Variants in KAZN observed in about 807,000 individuals in gnomAD.
KAZN encodes kazrin, periplakin interacting protein.
Under a neutral mutation model 87.4 loss-of-function variants are expected in KAZN, and 40 were observed. That is an observed-to-expected ratio of 0.46 (90% CI 0.36 to 0.60). KAZN has a LOEUF of 0.60. Among genes scored for constraint, KAZN ranks in the 20% least tolerant of loss-of-function variants. KAZN has a pLI of 0.00. For missense variants in KAZN, 898 were observed against 1,073.9 expected (o/e 0.84, Z 2.29); for synonymous variants, 466 against 458.3 (o/e 1.02, Z -0.22).
chr1:14,384,667 C>A (rs371025675), intron 2 of KAZN, among the ~76,000 whole-genome samples: 3 of 151,942 alleles, frequency 2.0e-5, no homozygotes, highest in South Asian at 2.1e-4. Context: ...GGATGAAGCC[C>A]ACTTGATCAT....
At chr1:14,451,898 C>A (rs772996703) in intron 2 of KAZN, among the ~76,000 whole-genome samples, 6 of 152,108 alleles carry the variant, frequency 3.9e-5, no homozygotes, top group Non-Finnish European at 8.8e-5. Context: ...AGGCACTTGG[C>A]AGATTGGACG....
At chr1:14,405,281 C>T (rs1407459676) in intron 2 of KAZN, among the ~76,000 whole-genome samples, 5 of 152,078 alleles carry the variant, frequency 3.3e-5, no homozygotes, top group African/African-American at 1.2e-4. Flanking sequence ...TGTTTGAGTT[C>T]AAATGTGATA....
chr1:14,703,503 T>C (rs1475593041), intron 1 of KAZN, among the ~76,000 whole-genome samples: 1 of 152,376 alleles, frequency 6.6e-6, no homozygotes. Context: ...CCTTCTGCCA[T>C]GATTGTCAGT....
chr1:14,961,068 C>T (rs1238084239), intron 2 of KAZN, among the ~76,000 whole-genome samples, 193 bp downstream of exon 2: 3 of 152,212 alleles, frequency 2.0e-5, no homozygotes, highest in African/African-American at 7.2e-5. Flanking sequence ...CCATTCCTTC[C>T]TCCAGTGTGA....
chr1:14,341,262 T>A (rs896758931), intron 2 of KAZN, among the ~76,000 whole-genome samples: 5 of 152,200 alleles, frequency 3.3e-5, no homozygotes, highest in Admixed American at 3.3e-4. Flanking sequence ...GGCACTCATC[T>A]GTAAAATGGG....
chr1:14,484,068 A>AAT (rs1401855725), intron 2 of KAZN, among the ~76,000 whole-genome samples: 5 of 152,118 alleles, frequency 3.3e-5, no homozygotes, highest in African/African-American at 1.2e-4. Flanking sequence ...AAATTGATTG[A>AAT]CCATAGATGC....
chr1:14,023,066 A>G (rs1570550839), intron 1 of KAZN, among the ~76,000 whole-genome samples: 1 of 152,114 alleles, frequency 6.6e-6, no homozygotes, highest in Admixed American at 6.6e-5. Context: ...TGTAATCCCA[A>G]CACTTTGGGA....
chr1:14,948,686 A>G (rs1450260970), intron 1 of KAZN, among the ~76,000 whole-genome samples: 1 of 152,260 alleles, frequency 6.6e-6, no homozygotes, highest in African/African-American at 2.4e-5. Flanking sequence ...TTGGAAAGAA[A>G]AGGCTGGATG....
chr1:13,955,762 AAAGAC>A (rs1641520567), intron 1 of KAZN, among the ~76,000 whole-genome samples: 1 of 152,176 alleles, frequency 6.6e-6, no homozygotes. Context: ...TTTTCTCTTA[AAAGAC>A]AGTACATTCC....
At chr1:14,183,640 G>A (rs909084143) in intron 2 of KAZN, among the ~76,000 whole-genome samples, 3 of 152,242 alleles carry the variant, frequency 2.0e-5, no homozygotes, top group Admixed American at 1.3e-4. Flanking sequence ...CTCATACTGT[G>A]TGACTCCGCA....
intron 2 of KAZN, among the ~76,000 whole-genome samples, chr1:15,024,142 C>T (rs1670954459): frequency 6.6e-6 from 1 of 152,124 alleles, no homozygotes; most frequent in African/African-American, 2.4e-5. Flanking sequence ...TGTGGTTGGA[C>T]TGAAGCCACC....
At chr1:15,102,545 C>T (rs1238972987) in intron 11 of KAZN, among the ~76,000 whole-genome samples, 1 of 152,086 alleles carries the variant, frequency 6.6e-6, no homozygotes, top group Non-Finnish European at 1.5e-5. Context: ...GGGCTGAGTC[C>T]AGGTAGCTGA....
chr1:15,059,086 C>G (rs946553898), intron 5 of KAZN, among the ~76,000 whole-genome samples: 16 of 148,904 alleles, frequency 1.1e-4, no homozygotes, highest in Non-Finnish European at 2.2e-4. Context: ...GGAGAGAAAT[C>G]AACAGAAAAC....
rs78439644 is a variant in KAZN, at chr1:14,823,273, C to G, written c.227-137411C>G. ...AACTGGGCATGAACCGAGACGTCCC[C>G]GTGAAGTCATGCAGGACAAACACGC... is the stretch of plus-strand genomic sequence containing the variant. On this transcript the variant is annotated intron_variant, in intron 1 of 14. Transcript: ENST00000376030. 6.3e-3 allele frequency among the ~76,000 whole-genome samples: 957 copies of G among 152,184 alleles called. 10 individuals carry two copies. The highest frequency in any genetic ancestry group is 0.021 in the African/African-American group (865 of 41,526).
intron 1 of KAZN, among the ~76,000 whole-genome samples, chr1:14,143,862 C>G (rs912114503): frequency 2.0e-5 from 3 of 152,060 alleles, no homozygotes; most frequent in African/African-American, 7.2e-5. Context: ...GGAGCACAAG[C>G]CTGTGCCACC....
At chr1:14,833,031 A>C (rs1170899668) in intron 1 of KAZN, among the ~76,000 whole-genome samples, 1 of 152,198 alleles carries the variant, frequency 6.6e-6, no homozygotes, top group Admixed American at 6.5e-5. Context: ...AAAATTGATA[A>C]TGAATAATTT....
Position 15,094,999 on chromosome 1 carries a change from A to G in KAZN, c.1547+66A>G. ...GTCATCCTGAGGCCTTTGGTCACAC[A>G]GGTGGGGTGAGCGGGGCACTGTGGG... On this transcript the variant is annotated intron_variant, in intron 10 of 14. Coordinates refer to ENST00000376030, the MANE Select transcript of KAZN (RefSeq NM_201628.3). This position sits in a 1 kb window ranked among gnomAD's most constrained non-coding sequence, Gnocchi z 4.5. 4 of 1,131,898 alleles carry G rather than the reference A, an allele frequency of 3.5e-6. No homozygotes were observed. Among genetic ancestry groups the G allele is most frequent in the Non-Finnish European group, 3.9e-6 (3 of 775,136 alleles). 70.1% of individuals were successfully genotyped at this position (1,131,898 alleles called of 1,614,324 possible).
intron 2 of KAZN, among the ~76,000 whole-genome samples, chr1:14,466,660 TA>T (rs566876952): frequency 0.13 from 16,443 of 130,242 alleles, 2,855 homozygotes; most frequent in African/African-American, 0.39. Flanking sequence ...AAACTAAATT[TA>T]AAAAAAAAAA....
intron 1 of KAZN, among the ~76,000 whole-genome samples, chr1:14,600,517 G>A (rs567632998): frequency 2.9e-4 from 44 of 152,042 alleles, no homozygotes; most frequent in Non-Finnish European, 4.9e-4. Flanking sequence ...TTAGGAATTG[G>A]GGGGAGTACT....
Sources: gnomAD v4.1 joint callset for allele counts (sites outside exome capture counted in the v4.1 genomes callset) on GRCh38, gnomAD v4.1.1 for gene constraint, Gnocchi (gnomAD v3.1) non-coding constraint, MANE v1.5 for transcripts, NCBI Gene and HGNC (gene_info 2026-07-23, HGNC 2026-07-21) for gene names.